Variants in VWCE observed in about 807,000 individuals in gnomAD.
VWCE encodes the protein von Willebrand factor C and EGF domains.
In VWCE, 68 loss-of-function variants were observed where a neutral mutation model predicts 102.9. The observed-to-expected ratio is 0.66, with a 90% CI of 0.54 to 0.81. The LOEUF (loss-of-function observed/expected upper bound fraction) is 0.81. Ranked by LOEUF, VWCE falls within the 30% of genes least tolerant of loss-of-function variation. The probability of loss-of-function intolerance (pLI) is 0.00; values close to 1 mark genes in which losing one functional copy is unlikely to be tolerated. For synonymous variants in VWCE, 497 were observed against 515.4 expected (o/e 0.96, Z 0.48); for missense variants, 1,137 against 1,263.6 (o/e 0.90, Z 1.52).
chr11:61,282,000 G>T, intron 6 of VWCE, 86 bp from the exon 7 acceptor site: 2 of 1,535,200 alleles, frequency 1.3e-6, no homozygotes, highest in African/African-American at 2.7e-5. Context: ...AAACACTTGG[G>T]GAGTTTCTCT....
rs1463706292 is a variant in VWCE, at chr11:61,281,208, GA to G, written c.814del (p.Ser272LeufsTer93). 9 of 1,612,922 alleles carry G rather than the reference GA, an allele frequency of 5.6e-6. No homozygotes were observed. Among genetic ancestry groups the G allele is most frequent in the Non-Finnish European group, 7.6e-6 (9 of 1,180,012 alleles). On this transcript the variant is annotated frameshift_variant, in exon 8 of 20. Coordinates refer to ENST00000335613, the MANE Select transcript of VWCE (RefSeq NM_152718.2). LOFTEE classifies it high-confidence loss of function. ...EAFPKAVLAP[S>X]AILQPRQHPS... ...GTGTTGCCGGGGTTGCAGGATGGCA[GA>G]TGGGGCCAGCACGGCTTTCGGGAAA...
In VWCE at chr11:61,282,051, G is replaced by T. The variant is rs151003802; in HGVS notation, c.659-137C>A. 11 of 1,351,572 alleles carry T rather than the reference G, an allele frequency of 8.1e-6. No individual in the cohort carries two copies. The African/African-American group carries it at 1.5e-4, about 18-fold the overall frequency. The allele number at this position is 1,351,572 out of a possible 1,614,324, so 83.7% of individuals were successfully genotyped here. On this transcript the variant is annotated intron_variant, in intron 6 of 19. Coordinates refer to ENST00000335613, the MANE Select transcript of VWCE (RefSeq NM_152718.2). ...GGTCCATGCCTGCCCCGAGGTGCGG[G>T]ATGTGACTCAGACAGCTGGGAGCGG... is the stretch of plus-strand genomic sequence containing the variant.
At position 61,294,956 on chromosome 11, in the gene VWCE, T is replaced by C; in HGVS notation, c.82A>G (p.Lys28Glu). Residue 28 changes from lysine (K) to glutamate (E), a missense_variant, in exon 1 of 20, where the codon AAG (lysine) becomes GAG (glutamate). Physicochemically the swap from Lys to Glu is moderately conservative, Grantham distance 56. Coordinates refer to ENST00000335613, the MANE Select transcript of VWCE (RefSeq NM_152718.2). The surrounding 1 kb of genome is among the most constrained non-coding windows in gnomAD (Gnocchi z 6.3). ...GAPARGYTGR[K>E]PPGHFAAERR... ...TCGGCCGCGAAGTGCCCGGGCGGCT[T>C]CCTCCCGGTGTAGCCTCGGGCTGGT... is the stretch of plus-strand genomic sequence containing the variant. The C allele has an allele frequency of 1.4e-6, 2 of 1,456,332 alleles. No individual in the cohort carries two copies. Among genetic ancestry groups the C allele is most frequent in the South Asian group, 1.3e-5 (1 of 76,054 alleles). 90.2% of individuals were successfully genotyped at this position (1,456,332 alleles called of 1,614,324 possible). A position where few individuals can be genotyped will look rare whatever the true frequency, so the allele number is the denominator to read the frequency against.
intron 15 of VWCE, 94 bp downstream of exon 15, chr11:61,268,828 T>C: frequency 7.7e-7 from 1 of 1,302,508 alleles, no homozygotes; most frequent in Middle Eastern, 1.9e-4. Context: ...TTGGGGTTGT[T>C]AGGACGACAT....
At chr11:61,286,478 A>C in intron 4 of VWCE, 48 bp from the exon 5 acceptor site, 1 of 1,553,592 alleles carries the variant, frequency 6.4e-7, no homozygotes, top group Non-Finnish European at 8.8e-7. Flanking sequence ...TCGCAAGAGG[A>C]ACTTACACAT....
In VWCE at chr11:61,264,483, T is replaced by G; in HGVS notation, c.2230+4A>C. ...GAAACTCCAGGACCCAGAGACCCACTTACCTGGACAGGAAGAGCAGCAGTC... is the reference window on the plus strand; with the variant it reads ...GAAACTCCAGGACCCAGAGACCCACGTACCTGGACAGGAAGAGCAGCAGTC... On this transcript the variant is annotated splice_donor_region_variant and intron_variant, in intron 19 of 19. Coordinates refer to ENST00000335613, the MANE Select transcript of VWCE (RefSeq NM_152718.2). 1.2e-6 allele frequency: 2 copies of G among 1,613,048 alleles called. No homozygotes were observed. The highest frequency in any genetic ancestry group is 1.7e-6 in the Non-Finnish European group (2 of 1,179,600).
chr11:61,282,065 A>G, intron 6 of VWCE, 151 bp from the exon 7 acceptor site: 1 of 1,261,020 alleles, frequency 7.9e-7, no homozygotes, highest in Non-Finnish European at 1.1e-6. Context: ...TGACTCAGAC[A>G]GCTGGGAGCG....
At chr11:61,283,097 C>T (rs1374832838) in intron 5 of VWCE, among the ~76,000 whole-genome samples, 192 bp from the exon 6 acceptor site, 1 of 152,216 alleles carries the variant, frequency 6.6e-6, no homozygotes, top group East Asian at 1.9e-4. Context: ...CTCTCATCCT[C>T]ACTGCTACCC....
At chr11:61,276,067 C>T (rs1854894733) in intron 11 of VWCE, among the ~76,000 whole-genome samples, 1 of 152,202 alleles carries the variant, frequency 6.6e-6, no homozygotes, top group Admixed American at 6.5e-5. Context: ...CCACTCACCC[C>T]ACTCCATCGC....
At chr11:61,264,933 C>T in intron 18 of VWCE, 23 bp downstream of exon 18, 1 of 1,612,530 alleles carries the variant, frequency 6.2e-7, no homozygotes, top group Admixed American at 1.7e-5. Context: ...GGGGCCGCTC[C>T]TGGGTTCCCA....
At chr11:61,265,755 G>C (rs1815842) in intron 16 of VWCE, among the ~76,000 whole-genome samples, 6,987 of 152,294 alleles carry the variant, frequency 0.046, 543 homozygotes, top group African/African-American at 0.16. Context: ...TAAGCATGAA[G>C]AATTTTTTTA....
At chr11:61,278,299 A>G in intron 10 of VWCE, 95 bp downstream of exon 10, 1 of 1,354,214 alleles carries the variant, frequency 7.4e-7, no homozygotes, top group Admixed American at 1.8e-5. Context: ...CCACTCAACA[A>G]GCTCACCTTT....
intron 19 of VWCE, 121 bp from the exon 20 acceptor site, chr11:61,259,433 G>C (rs901848365): frequency 1.2e-5 from 15 of 1,249,902 alleles, no homozygotes; most frequent in Non-Finnish European, 1.6e-5. Context: ...AGCACACCTG[G>C]TGAGGACCAG....
chr11:61,275,119 G>T (rs2134783360), intron 11 of VWCE, among the ~76,000 whole-genome samples: 1 of 152,224 alleles, frequency 6.6e-6, no homozygotes, highest in Non-Finnish European at 1.5e-5. Context: ...AGCCAAAAAG[G>T]CAGGGGAAGC....
chr11:61,279,431 C>T (rs879670057), intron 9 of VWCE, among the ~76,000 whole-genome samples: 1 of 151,958 alleles, frequency 6.6e-6, no homozygotes, highest in Admixed American at 6.6e-5. Context: ...AAAAATTAGC[C>T]AGGCTTGGTG....
intron 13 of VWCE, 34 bp downstream of exon 13, chr11:61,273,165 T>C: frequency 6.2e-7 from 1 of 1,604,460 alleles, no homozygotes. Flanking sequence ...CCAGTATCCA[T>C]GCCCTGTGTC....
Position 61,295,068 on chromosome 11 carries a change from C to T in VWCE, c.-31G>A, listed in dbSNP as rs964390464. 7.7e-6 allele frequency: 10 copies of T among 1,304,306 alleles called. No homozygotes were observed. The African/African-American group carries it at 7.7e-5, about 10-fold the overall frequency. The allele number at this position is 1,304,306 out of a possible 1,614,324, so 80.8% of individuals were successfully genotyped here. On this transcript the variant is annotated 5_prime_UTR_variant, in exon 1 of 20. Transcript: ENST00000335613. The surrounding 1 kb of genome is among the most constrained non-coding windows in gnomAD (Gnocchi z 4.6). ...GCGGCGGCGGGTCCCCCGGGCTGGG[C>T]TCGGCTCCTGCGCCGCGCGCGGGAG...
At chr11:61,287,366 A>G (rs909865018) in intron 4 of VWCE, among the ~76,000 whole-genome samples, 4 of 152,214 alleles carry the variant, frequency 2.6e-5, no homozygotes, top group Admixed American at 6.5e-5. Context: ...GACGGCTGAG[A>G]CCAAACGTTT....
intron 11 of VWCE, among the ~76,000 whole-genome samples, 153 bp downstream of exon 11, chr11:61,276,440 G>GCA (rs1854909790): frequency 6.6e-6 from 1 of 151,348 alleles, no homozygotes. Context: ...ATGCAAAACT[G>GCA]GGCTTGGGGG....
Sources: gnomAD v4.1 joint callset for allele counts (sites outside exome capture counted in the v4.1 genomes callset) on GRCh38, gnomAD v4.1.1 for gene constraint, Gnocchi (gnomAD v3.1) non-coding constraint, MANE v1.5 for transcripts, NCBI Gene and HGNC (gene_info 2026-07-23, HGNC 2026-07-21) for gene names.